TMEM41B: variants seen among roughly 807,000 people sequenced by gnomAD.
TMEM41B encodes the protein transmembrane protein 41B, also known as protein stasimon.
In TMEM41B, 18 loss-of-function variants were observed where a neutral mutation model predicts 31.9. That is an observed-to-expected ratio of 0.56 (90% CI 0.39 to 0.84). TMEM41B has a LOEUF of 0.84. Ranked by LOEUF, TMEM41B falls within the 40% of genes least tolerant of loss-of-function variation. The pLI is 0.00. For missense variants in TMEM41B, 322 were observed against 348.0 expected, an observed-to-expected ratio of 0.93 and a Z score of 0.59; for synonymous variants, 144 against 124.3, an observed-to-expected ratio of 1.16 and a Z score of -1.05.
At chr11:9,314,272 A>G (rs1183478161) in intron 1 of TMEM41B, 49 bp downstream of exon 1, 18 of 1,537,570 alleles carry the variant, frequency 1.2e-5, no homozygotes, top group Non-Finnish European at 1.6e-5. Flanking sequence ...CCCACCCGAC[A>G]CACAGAAGCC....
At chr11:9,305,691 C>T (rs187099949) in intron 1 of TMEM41B, among the ~76,000 whole-genome samples, 177 of 152,294 alleles carry the variant, frequency 1.2e-3, no homozygotes, top group Non-Finnish European at 1.9e-3. Context: ...AAGTATGCTA[C>T]TTTTAAATCC....
At chr11:9,287,432 T>G (rs1040551775) in intron 5 of TMEM41B, among the ~76,000 whole-genome samples, 1 of 152,236 alleles carries the variant, frequency 6.6e-6, no homozygotes. Flanking sequence ...TGCCTTTATA[T>G]TCACACTGAC....
chr11:9,301,152 T>C (rs148236971), intron 1 of TMEM41B, among the ~76,000 whole-genome samples: 1,940 of 152,158 alleles, frequency 0.013, 42 homozygotes, highest in African/African-American at 0.044. Flanking sequence ...TCCCAGCACT[T>C]TGGGAGGCCG....
At chr11:9,294,107 G>GGAGGCT (rs562012945) in intron 3 of TMEM41B, among the ~76,000 whole-genome samples, 1,690 of 147,196 alleles carry the variant, frequency 0.011, 52 homozygotes, top group Admixed American at 0.053. Flanking sequence ...CTTGAGCCCA[G>GGAGGCT]GAGGCTGAGG....
intron 3 of TMEM41B, among the ~76,000 whole-genome samples, chr11:9,293,292 T>C (rs1853000867): frequency 6.6e-6 from 1 of 152,104 alleles, no homozygotes; most frequent in African/African-American, 2.4e-5. Context: ...TCGTAGAAAC[T>C]GGGTCTAGCT....
intron 1 of TMEM41B, among the ~76,000 whole-genome samples, chr11:9,301,540 T>TA (rs1853260114): frequency 6.6e-6 from 1 of 152,186 alleles, no homozygotes; most frequent in Non-Finnish European, 1.5e-5. Context: ...AAATGTGTAT[T>TA]AGACAGCTGT....
intron 1 of TMEM41B, chr11:9,311,201 C>T: frequency 7.0e-7 from 1 of 1,423,558 alleles, no homozygotes; most frequent in Non-Finnish European, 9.4e-7. Flanking sequence ...GCTACTTTCC[C>T]CCAATACAAC....
chr11:9,313,204 C>T (rs1383886257), intron 1 of TMEM41B, among the ~76,000 whole-genome samples: 1 of 152,208 alleles, frequency 6.6e-6, no homozygotes, highest in African/African-American at 2.4e-5. Context: ...CGATTCATTT[C>T]TCAGTTTTTG....
chr11:9,303,246 C>G (rs932930964), intron 1 of TMEM41B, among the ~76,000 whole-genome samples: 3 of 151,898 alleles, frequency 2.0e-5, no homozygotes, highest in African/African-American at 7.3e-5. Flanking sequence ...CCAAGTGATT[C>G]CCTTGCCTCA....
In TMEM41B at chr11:9,283,307, T is replaced by C; in HGVS notation, c.*117A>G. 1 of 833,380 alleles carries C rather than the reference T, an allele frequency of 1.2e-6. No homozygotes were observed. The highest frequency in any genetic ancestry group is 2.0e-5 in the South Asian group (1 of 49,144). 51.6% of individuals were successfully genotyped at this position (833,380 alleles called of 1,614,324 possible). On this transcript the variant is annotated 3_prime_UTR_variant, in exon 7 of 7. Transcript: ENST00000528080. ...ATTACTTTAACTATCTGATAGGAAA[T>C]TTTATTTTACAAATTCCTTGTTTAA...
intron 1 of TMEM41B, among the ~76,000 whole-genome samples, chr11:9,310,564 C>G (rs1853532773): frequency 6.6e-6 from 1 of 150,936 alleles, no homozygotes. Context: ...AAATGGAGAA[C>G]TTGCTAGTAA....
intron 1 of TMEM41B, among the ~76,000 whole-genome samples, chr11:9,306,111 T>G (rs1166500269): frequency 6.6e-6 from 1 of 151,194 alleles, no homozygotes; most frequent in African/African-American, 2.4e-5. Flanking sequence ...CCCAAGCAAC[T>G]GGGATTACAG....
At position 9,314,239 on chromosome 11, in the gene TMEM41B, C is replaced by G. The variant is rs538820556; in HGVS notation, c.121+82G>C. On this transcript the variant is annotated intron_variant, in intron 1 of 6. Coordinates refer to ENST00000528080, the MANE Select transcript of TMEM41B (RefSeq NM_015012.4). ...GCCCCCCTCTTTCCCCGCGACTCTC[C>G]GAGAATAGCGGGGGTCCTTTTCCCC... The G allele has an allele frequency of 1.1e-5, 16 of 1,455,414 alleles. No individual in the cohort carries two copies. In the East Asian group the frequency reaches 4.3e-4, roughly 40 times the overall value. The allele number at this position is 1,455,414 out of a possible 1,614,324, so 90.2% of individuals were successfully genotyped here. A position where few individuals can be genotyped will look rare whatever the true frequency, so the allele number is the denominator to read the frequency against.
chr11:9,313,382 G>A (rs1853609549), intron 1 of TMEM41B, among the ~76,000 whole-genome samples: 1 of 152,182 alleles, frequency 6.6e-6, no homozygotes, highest in Non-Finnish European at 1.5e-5. Context: ...ATCACTGGTG[G>A]TGGAACACAC....
intron 1 of TMEM41B, among the ~76,000 whole-genome samples, chr11:9,310,038 A>ATTTTTTTTTTTTT (rs202042952): frequency 6.7e-6 from 1 of 149,324 alleles, no homozygotes; most frequent in Non-Finnish European, 1.5e-5. Context: ...TATTATTATT[A>ATTTTTTTTTTTTT]TTATTATTTT....
chr11:9,295,229 T>C, intron 3 of TMEM41B, 30 bp downstream of exon 3: 1 of 1,484,900 alleles, frequency 6.7e-7, no homozygotes, highest in East Asian at 2.3e-5. Context: ...TGAACAAAAT[T>C]AGAAAACATT....
chr11:9,305,899 T>G (rs1031039935), intron 1 of TMEM41B, among the ~76,000 whole-genome samples: 1 of 151,998 alleles, frequency 6.6e-6, no homozygotes, highest in Non-Finnish European at 1.5e-5. Context: ...ATTTATAGTA[T>G]ACACATTTAT....
At chr11:9,291,146 C>T (rs914754727) in intron 3 of TMEM41B, among the ~76,000 whole-genome samples, 1 of 151,466 alleles carries the variant, frequency 6.6e-6, no homozygotes, top group Non-Finnish European at 1.5e-5. Context: ...TAAGGCTGGG[C>T]GCGGTGGCTC....
intron 1 of TMEM41B, 131 bp downstream of exon 1, chr11:9,314,190 C>T: frequency 8.0e-7 from 1 of 1,247,354 alleles, no homozygotes; most frequent in Non-Finnish European, 1.1e-6. Flanking sequence ...CCCACGGTCT[C>T]TGCTCCCGCC....
Sources: gnomAD v4.1 joint callset for allele counts (sites outside exome capture counted in the v4.1 genomes callset) on GRCh38, gnomAD v4.1.1 for gene constraint, MANE v1.5 for transcripts, NCBI Gene and HGNC (gene_info 2026-07-23, HGNC 2026-07-21) for gene names.